The following DNAH1 variants were observed in gnomAD, a reference collection of about 807,000 sequenced individuals.
DNAH1 encodes dynein axonemal heavy chain 1, also known as axonemal beta dynein heavy chain 1.
Under a neutral mutation model 484.3 loss-of-function variants are expected in DNAH1, and 327 were observed. The observed-to-expected ratio is 0.68, with a 90% CI of 0.62 to 0.74. DNAH1 has a LOEUF of 0.74. Ranked by LOEUF, DNAH1 falls within the 30% of genes least tolerant of loss-of-function variation. DNAH1 has a pLI of 0.00. For missense variants in DNAH1, 5,052 were observed against 5,546.8 expected (o/e 0.91, Z 2.83); for synonymous variants, 2,192 against 2,191.9 (o/e 1.00, Z 0.00).
Position 52,353,972 on chromosome 3 carries a change from C to T in DNAH1, c.3480+339C>T, listed in dbSNP as rs1425793464. 3.3e-5 allele frequency among the ~76,000 whole-genome samples: 5 copies of T among 151,990 alleles called. 1 individual carries two copies. Among genetic ancestry groups the T allele is most frequent in the Admixed American group, 2.0e-4 (3 of 15,270 alleles). ...CTTTGGGAGGATGAGGAGGAAGGATCGCTTGAGCCCAGGAGTTTGAGACCA... is the reference window on the plus strand; with the variant it reads ...CTTTGGGAGGATGAGGAGGAAGGATTGCTTGAGCCCAGGAGTTTGAGACCA... On this transcript the variant is annotated intron_variant, in intron 20 of 77. Transcript: ENST00000420323. This position sits in a 1 kb window ranked among gnomAD's most constrained non-coding sequence, Gnocchi z 5.0.
chr3:52,348,460 A>G (rs1398875593), intron 12 of DNAH1, among the ~76,000 whole-genome samples: 1 of 152,174 alleles, frequency 6.6e-6, no homozygotes, highest in Non-Finnish European at 1.5e-5. Flanking sequence ...CGTCCCCACC[A>G]GTCACTGCCA....
Position 52,388,536 on chromosome 3 carries a change from A to G in DNAH1, c.9290A>G (p.Glu3097Gly), listed in dbSNP as rs1375136539. The change falls in exon 58 of 78, where the codon GAA (glutamate) becomes GGA (glycine). Residue 3097 changes from glutamate (E) to glycine (G), a missense_variant. Around this residue, in one of 4 missense-constraint regions of DNAH1, gnomAD observed 2,929 missense variants for 3,409.4 expected, o/e 0.86. Transcript: ENST00000420323. The part of the protein sequence containing the change: ...GIATMQAKYR[E>G]CITKKEELEL... ...GCCACAATGCAGGCTAAGTACCGGG[A>G]ATGCATTACCAAGAAGGAGGAGCTG... 1 of 1,613,076 alleles carries G rather than the reference A, an allele frequency of 6.2e-7. No individual in the cohort carries two copies. The highest frequency in any genetic ancestry group is 1.7e-5 in the Admixed American group (1 of 59,892).
Position 52,379,808 on chromosome 3 carries a change from C to A in DNAH1, c.7378-97C>A. ...GGGAGAGCCAGGCTCCAGTCAGGGC[C>A]CCAGGAACTGGGGCCCACCCTCCCT... On this transcript the variant is annotated intron_variant, in intron 47 of 77. Transcript: ENST00000420323. The surrounding 1 kb of genome is among the most constrained non-coding windows in gnomAD (Gnocchi z 4.4). The A allele has an allele frequency of 9.1e-7, 1 of 1,096,626 alleles. No homozygotes were observed. Among genetic ancestry groups the A allele is most frequent in the Admixed American group, 2.7e-5 (1 of 37,102 alleles). 67.9% of individuals were successfully genotyped at this position (1,096,626 alleles called of 1,614,324 possible).
chr3:52,394,416 G>A (rs1439868841), intron 66 of DNAH1, 49 bp from the exon 67 acceptor site: 4 of 1,594,130 alleles, frequency 2.5e-6, no homozygotes, highest in Admixed American at 3.4e-5. Flanking sequence ...CCCAGAGCAG[G>A]AGGAGCTGGC....
rs770542775 is a variant in DNAH1 at position 52,383,844 on chromosome 3, A to C, written c.8151-16A>C. The C allele has an allele frequency of 6.3e-7, 1 of 1,575,308 alleles. No homozygotes were observed. Among genetic ancestry groups the C allele is most frequent in the East Asian group, 2.3e-5 (1 of 44,316 alleles). On this transcript the variant is annotated splice_polypyrimidine_tract_variant and intron_variant, in intron 51 of 77. Transcript: ENST00000420323. ...GTCAGTGTCTCTGGACCTCATTTGG[A>C]TTCCTGACTTTCCAGCCCCATCGGA...
chr3:52,317,833 C>T (rs1182221119), intron 1 of DNAH1: 1 of 152,236 alleles, frequency 6.6e-6, no homozygotes, highest in Non-Finnish European at 1.5e-5. Context: ...ATGGCCCCGC[C>T]CCTTAGCAAC....
rs534251522 is a variant in DNAH1 at position 52,374,017 on chromosome 3, T to C, written c.6985+964T>C. 317 of 1,042,898 alleles carry C rather than the reference T, an allele frequency of 3.0e-4. 1 individual carries two copies. In the African/African-American group the frequency reaches 4.4e-3, roughly 15 times the overall value. The allele number at this position is 1,042,898 out of a possible 1,614,324, so 64.6% of individuals were successfully genotyped here. A position where few individuals can be genotyped will look rare whatever the true frequency, so the allele number is the denominator to read the frequency against. The stretch of plus-strand genomic sequence containing the variant: ...TAGAGTCTGCAGATTTCCAATCTAA[T>C]ATAGCGAAGAAATATATTGATCAGA... On this transcript the variant is annotated intron_variant, in intron 44 of 77. Coordinates refer to ENST00000420323, the MANE Select transcript of DNAH1 (RefSeq NM_015512.5).
At chr3:52,390,906 G>T in intron 60 of DNAH1, 29 bp from the exon 61 acceptor site, 2 of 1,551,290 alleles carry the variant, frequency 1.3e-6, no homozygotes, top group South Asian at 2.4e-5. Context: ...GGAAAGCTCT[G>T]ACCCAGTCCA....
chr3:52,336,425 G>A (rs1225446768), intron 8 of DNAH1, among the ~76,000 whole-genome samples: 7 of 152,082 alleles, frequency 4.6e-5, no homozygotes, highest in African/African-American at 1.7e-4. Context: ...ATGGTGGGGC[G>A]CGCCTATTGT....
rs1024888160 is a variant in DNAH1, at chr3:52,391,324, A to G, written c.9887A>G (p.Lys3296Arg). 1.1e-5 allele frequency: 17 copies of G among 1,608,528 alleles called. No individual in the cohort carries two copies. Among genetic ancestry groups the G allele is most frequent in the Non-Finnish European group, 1.4e-5 (17 of 1,177,506 alleles). ...CCAGCCCTGGAGCCAGTGCTGCTCAAGCAGGTGGGTCTGCAGTGGTGATGG... is the reference window on the plus strand; with the variant it reads ...CCAGCCCTGGAGCCAGTGCTGCTCAGGCAGGTGGGTCTGCAGTGGTGATGG... Reference protein sequence around the residue: ...LDPALEPVLLKQTYKQQGNTV... With the variant: ...LDPALEPVLLRQTYKQQGNTV... Residue 3296 changes from lysine (K) to arginine (R), a missense_variant, in exon 62 of 78, where the codon AAG becomes AGG. Physicochemically the swap from Lys to Arg is conservative, Grantham distance 26. Transcript: ENST00000420323.
At chr3:52,347,772 G>C (rs765143567) in intron 11 of DNAH1, 52 bp from the exon 12 acceptor site, 14 of 1,496,366 alleles carry the variant, frequency 9.4e-6, no homozygotes, top group Admixed American at 2.3e-5. Flanking sequence ...GGCTGCTCCT[G>C]CACACAGGCC....
At chr3:52,345,432 T>G in intron 9 of DNAH1, 63 bp from the exon 10 acceptor site, 1 of 1,398,588 alleles carries the variant, frequency 7.2e-7, no homozygotes, top group Admixed American at 2.0e-5. Flanking sequence ...CCTGTGGATC[T>G]GTCCTGTCCC....
chr3:52,350,560 A>G lies in DNAH1; in HGVS notation c.2699A>G (p.Tyr900Cys). Reference sequence around the variant, plus strand: ...TACCAGGTCATGGATGAATTCCTCTACAACCTCAGCTCAGATGACTTCAAT... The same window carrying G: ...TACCAGGTCATGGATGAATTCCTCTGCAACCTCAGCTCAGATGACTTCAAT... The part of the protein sequence containing the change: ...DDYQVMDEFL[Y>C]NLSSDDFNDK... The change falls in exon 16 of 78, where the codon TAC becomes TGC. Residue 900 changes from tyrosine to cysteine, a missense_variant. Coordinates refer to ENST00000420323, the MANE Select transcript of DNAH1 (RefSeq NM_015512.5). The G allele has an allele frequency of 3.1e-6, 5 of 1,613,904 alleles. No individual in the cohort carries two copies. Among genetic ancestry groups the G allele is most frequent in the Non-Finnish European group, 4.2e-6 (5 of 1,179,834 alleles).
At chr3:52,371,460 G>A (rs888497237) in intron 41 of DNAH1, among the ~76,000 whole-genome samples, 4 of 152,244 alleles carry the variant, frequency 2.6e-5, no homozygotes, top group African/African-American at 9.6e-5. Context: ...GCTGGGTCAG[G>A]GCTGCTGTGA....
In DNAH1 at chr3:52,372,059, G is replaced by A. The variant is rs777200456; in HGVS notation, c.6639G>A (p.Leu2213=). Reference sequence around the variant, plus strand: ...ACACCGTGCAGATGTCCCATTTACTGGACATGCTGCTCACCAACAAGAAGC... The same window carrying A: ...ACACCGTGCAGATGTCCCATTTACTAGACATGCTGCTCACCAACAAGAAGC... ...TMDTVQMSHL[L]DMLLTNKKPV... Residue 2213 remains leucine (L), a synonymous_variant, in exon 42 of 78, where the codon CTG becomes CTA. Transcript: ENST00000420323. The A allele has an allele frequency of 6.2e-7, 1 of 1,613,748 alleles. No individual in the cohort carries two copies. The highest frequency in any genetic ancestry group is 2.2e-5 in the East Asian group (1 of 44,872).
intron 44 of DNAH1, among the ~76,000 whole-genome samples, chr3:52,373,383 GC>G (rs899410313): frequency 3.9e-5 from 6 of 152,242 alleles, no homozygotes; most frequent in African/African-American, 1.4e-4. Flanking sequence ...GGCGGTGGCG[GC>G]CCGCTCCAGC....
Position 52,349,282 on chromosome 3 carries a change from G to C in DNAH1, c.2388G>C (p.Ser796=). The change falls in exon 14 of 78, where the codon TCG becomes TCC. Residue 796 remains serine (S), a synonymous_variant. Transcript: ENST00000420323. ...GGGAGAAGGAGATCCTGGACAGCTCGCTGCCCAGCAGCATCATCATTGGGC... is the reference window on the plus strand; with the variant it reads ...GGGAGAAGGAGATCCTGGACAGCTCCCTGCCCAGCAGCATCATCATTGGGC... ...HLREKEILDS[S]LPSSIIIGPF... is the part of the protein sequence containing the mutation. 1 of 1,613,966 alleles carries C rather than the reference G, an allele frequency of 6.2e-7. No individual in the cohort carries two copies. Among genetic ancestry groups the C allele is most frequent in the South Asian group, 1.1e-5 (1 of 91,074 alleles).
At position 52,388,268 on chromosome 3, in the gene DNAH1, C is replaced by G. The variant is rs1211437128; in HGVS notation, c.9105C>G (p.Ser3035=). 6.2e-7 allele frequency: 1 copy of G among 1,603,070 alleles called. No individual in the cohort carries two copies. Among genetic ancestry groups the G allele is most frequent in the Non-Finnish European group, 8.5e-7 (1 of 1,174,906 alleles). ...TIAKVSKACT[S]ICQWVRAMHK... is the part of the protein sequence containing the mutation. Reference sequence around the variant, plus strand: ...CCAAGGTGTCCAAGGCTTGCACCTCCATCTGCCAGTGGGTGCGCGCCATGC... The same window carrying G: ...CCAAGGTGTCCAAGGCTTGCACCTCGATCTGCCAGTGGGTGCGCGCCATGC... The change falls in exon 57 of 78, where the codon TCC becomes TCG. Residue 3035 remains serine, a synonymous_variant. Coordinates refer to ENST00000420323, the MANE Select transcript of DNAH1 (RefSeq NM_015512.5).
At chr3:52,386,876 C>A in intron 56 of DNAH1, 23 bp downstream of exon 56, 1 of 1,525,466 alleles carries the variant, frequency 6.6e-7, no homozygotes, top group Non-Finnish European at 8.8e-7. Flanking sequence ...GGCACCCTGG[C>A]CAGCCAGCGA....
Sources: allele counts gnomAD v4.1 joint callset (sites outside exome capture counted in the v4.1 genomes callset), GRCh38; gene constraint gnomAD v4.1.1; regional missense constraint gnomAD v4.1.1; non-coding constraint Gnocchi (gnomAD v3.1); transcripts MANE v1.5; gene names NCBI Gene and HGNC (gene_info 2026-07-23, HGNC 2026-07-21).